Variants in PACS2 observed in about 807,000 individuals in gnomAD.
The protein encoded by PACS2 is phosphofurin acidic cluster sorting protein 2.
PACS2 carries 36 observed loss-of-function variants against 113.0 expected under a neutral mutation model. The ratio of observed to expected loss-of-function variants is 0.32; its 90% CI spans 0.24 to 0.42. The LOEUF is 0.42. Among genes scored for constraint, PACS2 ranks in the 10% least tolerant of loss-of-function variants. The pLI, the probability that PACS2 is intolerant of heterozygous loss-of-function variation, is 1.00. For missense variants in PACS2, 1,015 were observed against 1,239.5 expected, an observed-to-expected ratio of 0.82 and a Z score of 2.72; for synonymous variants, 589 against 536.1, an observed-to-expected ratio of 1.10 and a Z score of -1.36.
At position 105,314,965 on chromosome 14, in the gene PACS2, T is replaced by TCAACACGCC; in HGVS notation, c.49_57dup (p.Asn17_Pro19dup). The stretch of plus-strand genomic sequence containing the variant: ...GGCCTCCCCGGCGCGCCCGGCGCGC[T>TCAACACGCC]CAACACGCCCGTGCCCATGAACCTG... On this transcript the variant is annotated inframe_insertion, in exon 1 of 25. Coordinates refer to ENST00000447393, the MANE Select transcript of PACS2 (RefSeq NM_001100913.3). 8.3e-7 allele frequency: 1 copy of TCAACACGCC among 1,203,962 alleles called. No homozygotes were observed. The highest frequency in any genetic ancestry group is 1.1e-6 in the Non-Finnish European group (1 of 949,570). 74.6% of individuals were successfully genotyped at this position (1,203,962 alleles called of 1,614,324 possible). A position where few individuals can be genotyped will look rare whatever the true frequency, so the allele number is the denominator to read the frequency against.
intron 9 of PACS2, among the ~76,000 whole-genome samples, chr14:105,377,197 T>C (rs2080815925): frequency 6.6e-6 from 1 of 151,770 alleles, no homozygotes. Flanking sequence ...TCCCCCAGGG[T>C]GCTGGCTGGG....
intron 24 of PACS2, 101 bp downstream of exon 24, chr14:105,393,436 G>T (rs1299833617): frequency 2.5e-5 from 17 of 688,712 alleles, no homozygotes; most frequent in Non-Finnish European, 3.9e-5. Flanking sequence ...GTCTCGCTGT[G>T]ACACGCACAT....
rs587739637 is a variant in PACS2, at chr14:105,324,694, C to T, written c.119+9657C>T. 2.7e-4 allele frequency among the ~76,000 whole-genome samples: 41 copies of T among 152,312 alleles called. No homozygotes were observed. Among genetic ancestry groups the T allele is most frequent in the African/African-American group, 3.6e-4 (15 of 41,576 alleles). ...GTCGTCAGCAGCTCCTCGAGGGCTC[C>T]GGCCTGTGGAGGCCGGTGGCGCCCC... On this transcript the variant is annotated intron_variant, in intron 1 of 24. Transcript: ENST00000447393. This position sits in a 1 kb window ranked among gnomAD's most constrained non-coding sequence, Gnocchi z 4.7.
At chr14:105,342,173 ATTTG>A (rs1263361713) in intron 1 of PACS2, among the ~76,000 whole-genome samples, 22 of 150,924 alleles carry the variant, frequency 1.5e-4, no homozygotes, top group East Asian at 1.2e-3. Flanking sequence ...CCTCTTGTGG[ATTTG>A]TTTGTTTGTT....
intron 9 of PACS2, among the ~76,000 whole-genome samples, chr14:105,378,568 C>A (rs945896062): frequency 6.6e-6 from 1 of 152,244 alleles, no homozygotes. Context: ...CGCCACCACA[C>A]CCAGCTAATT....
chr14:105,362,307 A>G (rs2060739378), intron 4 of PACS2, among the ~76,000 whole-genome samples: 1 of 150,332 alleles, frequency 6.7e-6, no homozygotes, highest in Non-Finnish European at 1.5e-5. Context: ...AGTCCCAGCT[A>G]CTCGGGAGGC....
At chr14:105,368,356 C>A in intron 6 of PACS2, 103 bp from the exon 7 acceptor site, 1 of 938,694 alleles carries the variant, frequency 1.1e-6, no homozygotes, top group African/African-American at 1.6e-5. Context: ...CACAGGTGGG[C>A]TCTCAGTGCC....
At chr14:105,333,262 C>T (rs2059374018) in intron 1 of PACS2, among the ~76,000 whole-genome samples, 2 of 152,364 alleles carry the variant, frequency 1.3e-5, no homozygotes, top group South Asian at 4.1e-4. Context: ...CATCCTCCTG[C>T]CCACAGCCGT....
rs1367970712 is a variant in PACS2, at chr14:105,376,517, C to T, written c.802-251C>T. ...CACCCAGGCCCTCCGTGCACCCTGG[C>T]AGCCCAGATGACTGCACCAGCCCAG... On this transcript the variant is annotated intron_variant, in intron 8 of 24. Transcript: ENST00000447393. The surrounding 1 kb of genome is among the most constrained non-coding windows in gnomAD (Gnocchi z 4.7). Among the ~76,000 whole-genome samples, 1 of 152,186 alleles carries T rather than the reference C, an allele frequency of 6.6e-6. No individual in the cohort carries two copies. The highest frequency in any genetic ancestry group is 1.5e-5 in the Non-Finnish European group (1 of 68,016).
chr14:105,372,123 G>T (rs1377634444), intron 8 of PACS2: 2 of 152,306 alleles, frequency 1.3e-5, no homozygotes, highest in African/African-American at 4.8e-5. Context: ...CATCCAGGCT[G>T]CCCTGTGCCC....
In PACS2 at chr14:105,392,660, A is replaced by C. The variant is rs2081399060; in HGVS notation, c.2297A>C (p.Tyr766Ser). Residue 766 changes from tyrosine to serine, a missense_variant, in exon 23 of 25, where the codon TAC becomes TCC. By Grantham distance (144) the Tyr-to-Ser change is moderately radical (BLOSUM62 -2). This residue lies in a region of PACS2 where 859 missense variants were observed against 1,056.8 expected (regional missense o/e 0.81). Coordinates refer to ENST00000447393, the MANE Select transcript of PACS2 (RefSeq NM_001100913.3). ...GAGCTGATGGGGCTGCAGGTGGACT[A>C]CTGGACGGCAGCACAGCCTGCGGAC... is the stretch of plus-strand genomic sequence containing the variant. Reference protein sequence around the residue: ...GAELMGLQVDYWTAAQPADRK... With the variant: ...GAELMGLQVDSWTAAQPADRK... The C allele has an allele frequency of 6.2e-7, 1 of 1,611,950 alleles. No individual in the cohort carries two copies. The highest frequency in any genetic ancestry group is 8.5e-7 in the Non-Finnish European group (1 of 1,179,650).
At chr14:105,349,238 C>T (rs1433505025) in intron 2 of PACS2, among the ~76,000 whole-genome samples, 2 of 152,362 alleles carry the variant, frequency 1.3e-5, no homozygotes, top group African/African-American at 2.4e-5. Flanking sequence ...CAGGGTCATA[C>T]GGTTCCAGGT....
intron 16 of PACS2, 23 bp from the exon 17 acceptor site, chr14:105,384,330 C>G: frequency 6.8e-7 from 1 of 1,466,392 alleles, no homozygotes; most frequent in Non-Finnish European, 9.5e-7. Context: ...CGTGGTGACA[C>G]CAGCCCCACC....
chr14:105,388,358 G>T (rs1224213048), intron 19 of PACS2, among the ~76,000 whole-genome samples: 6 of 152,254 alleles, frequency 3.9e-5, no homozygotes, highest in African/African-American at 1.4e-4. Flanking sequence ...TGGACCGGCT[G>T]CCGGGCAGAG....
intron 7 of PACS2, among the ~76,000 whole-genome samples, chr14:105,369,091 C>T (rs1276084965): frequency 6.6e-6 from 1 of 152,252 alleles, no homozygotes; most frequent in African/African-American, 2.4e-5. Flanking sequence ...CGCAGGTGGG[C>T]GGGGAGCTCT....
rs1362692384 is a variant in PACS2, at chr14:105,348,285, A to C, written c.120-208A>C. On this transcript the variant is annotated intron_variant, in intron 1 of 24. Transcript: ENST00000447393. The surrounding 1 kb of genome is among the most constrained non-coding windows in gnomAD (Gnocchi z 6.4). The stretch of plus-strand genomic sequence containing the variant: ...AGATGGGACCTCTGGCCCGGCAGCC[A>C]ACGGATGCTGAGGGGTGCCCACCAT... Among the ~76,000 whole-genome samples the C allele has an allele frequency of 6.6e-6, 1 of 152,126 alleles. No homozygotes were observed. The highest frequency in any genetic ancestry group is 1.5e-5 in the Non-Finnish European group (1 of 68,012).
Position 105,330,942 on chromosome 14 carries a change from G to C in PACS2, c.119+15905G>C, listed in dbSNP as rs587767199. On this transcript the variant is annotated intron_variant, in intron 1 of 24. Transcript: ENST00000447393. The surrounding 1 kb of genome is among the most constrained non-coding windows in gnomAD (Gnocchi z 6.9). The stretch of plus-strand genomic sequence containing the variant: ...TAGCCTTGCTCTGGTGAACGGCTTT[G>C]TTGGATGCTGGGGTTGGCATTTTTT... 1.2e-4 allele frequency among the ~76,000 whole-genome samples: 19 copies of C among 152,024 alleles called. No individual in the cohort carries two copies. In the South Asian group the frequency reaches 4.0e-3, roughly 32 times the overall value.
chr14:105,364,404 GTGCGCGGTGGGC>G (rs2060863478), intron 4 of PACS2, among the ~76,000 whole-genome samples: 11 of 135,692 alleles, frequency 8.1e-5, no homozygotes, highest in African/African-American at 3.0e-4. Flanking sequence ...GGTGTCCCGG[GTGCGCGGTGGGC>G]GGTGTCCCGG....
rs782203604 is a variant in PACS2 at position 105,384,429 on chromosome 14, A to G, written c.1857A>G (p.Arg619=). ...YNNFFQDLAW[R]DLFNKLEAQS... is the part of the protein sequence containing the mutation. ...ACTTCTTCCAGGACCTGGCCTGGAG[A>G]GACCTGTTCAACAAGCTGGAGGCCC... Residue 619 remains arginine, a synonymous_variant, in exon 17 of 25, where the codon AGA becomes AGG. Transcript: ENST00000447393. 2.5e-6 allele frequency: 4 copies of G among 1,611,888 alleles called. No individual in the cohort carries two copies. Among genetic ancestry groups the G allele is most frequent in the Non-Finnish European group, 8.5e-7 (1 of 1,179,520 alleles).
Sources: allele counts gnomAD v4.1 joint callset (sites outside exome capture counted in the v4.1 genomes callset), GRCh38; gene constraint gnomAD v4.1.1; regional missense constraint gnomAD v4.1.1; non-coding constraint Gnocchi (gnomAD v3.1); transcripts MANE v1.5; gene names NCBI Gene and HGNC (gene_info 2026-07-23, HGNC 2026-07-21).